Variants in SBF2 observed in about 807,000 individuals in gnomAD.
SBF2 encodes SET binding factor 2.
A neutral mutation model predicts 225.2 loss-of-function variants in SBF2; 112 were observed. The ratio of observed to expected loss-of-function variants is 0.50; its 90% CI spans 0.43 to 0.58. SBF2 has a LOEUF of 0.58. Ranked by LOEUF, SBF2 falls within the 20% of genes least tolerant of loss-of-function variation. The pLI, the probability that SBF2 is intolerant of heterozygous loss-of-function variation, is 0.00. For missense variants in SBF2, 1,996 were observed against 2,206.2 expected (o/e 0.90, Z 1.91); for synonymous variants, 763 against 773.3 (o/e 0.99, Z 0.22).
At chr11:10,114,759 A>G (rs1418633312) in intron 2 of SBF2, among the ~76,000 whole-genome samples, 2 of 152,194 alleles carry the variant, frequency 1.3e-5, no homozygotes, top group African/African-American at 2.4e-5. Flanking sequence ...ATTTCAAACA[A>G]ATTTGTTTCA....
rs185432781 is a variant in SBF2 at position 9,976,014 on chromosome 11, C to A, written c.1396-7469G>T. Reference sequence around the variant, plus strand: ...GGATTCTATTTGGTTCAATGCTGGGCAATGAAATATCCATAAGGCACAATT... The same window carrying A: ...GGATTCTATTTGGTTCAATGCTGGGAAATGAAATATCCATAAGGCACAATT... On this transcript the variant is annotated intron_variant, in intron 13 of 39. Transcript: ENST00000256190. Among the ~76,000 whole-genome samples, 540 of 150,800 alleles carry A rather than the reference C, an allele frequency of 3.6e-3. 4 individuals are homozygous for A. The highest frequency in any genetic ancestry group is 5.3e-3 in the South Asian group (25 of 4,756).
chr11:10,249,396 A>G (rs1960125992), intron 1 of SBF2, among the ~76,000 whole-genome samples: 1 of 152,126 alleles, frequency 6.6e-6, no homozygotes. Context: ...CTCGAACAAG[A>G]TTTTCATGTA....
upstream of SBF2, chr11:10,294,275 G>T (rs1017360783): frequency 5.2e-6 from 2 of 381,940 alleles, no homozygotes; most frequent in East Asian, 4.1e-5. Context: ...GCGCTGGCTC[G>T]GCTGCCCCAA....
At position 10,049,563 on chromosome 11, in the gene SBF2, C is replaced by T. The variant is rs116890009; in HGVS notation, c.142-6582G>A. Reference sequence around the variant, plus strand: ...CGGATGTTGCAGTGAGCAAAGATCGCGCTATTGCACTCCAGCCTGGGCAAC... The same window carrying T: ...CGGATGTTGCAGTGAGCAAAGATCGTGCTATTGCACTCCAGCCTGGGCAAC... On this transcript the variant is annotated intron_variant, in intron 2 of 39. Coordinates refer to ENST00000256190, the MANE Select transcript of SBF2 (RefSeq NM_030962.4). Among the ~76,000 whole-genome samples, 92 of 151,930 alleles carry T rather than the reference C, an allele frequency of 6.1e-4. 1 individual carries two copies. The East Asian group carries it at 0.013, about 21-fold the overall frequency.
intron 1 of SBF2, among the ~76,000 whole-genome samples, chr11:10,273,217 G>C (rs1962678271): frequency 6.6e-6 from 1 of 152,160 alleles, no homozygotes; most frequent in African/African-American, 2.4e-5. Context: ...AGAAAGAACA[G>C]ACCCATTGTA....
chr11:9,809,103 T>C, intron 30 of SBF2, 101 bp from the exon 31 acceptor site: 1 of 814,350 alleles, frequency 1.2e-6, no homozygotes, highest in African/African-American at 1.7e-5. Flanking sequence ...GACTTAGGGA[T>C]AAAGCGCTTG....
At chr11:9,832,652 G>T (rs1855472768) in intron 26 of SBF2, among the ~76,000 whole-genome samples, 2 of 152,052 alleles carry the variant, frequency 1.3e-5, no homozygotes, top group South Asian at 2.1e-4. Context: ...TGTTGTACAG[G>T]CTGGTTTCAA....
At chr11:10,216,534 T>G (rs748934134) in intron 1 of SBF2, among the ~76,000 whole-genome samples, 1 of 152,236 alleles carries the variant, frequency 6.6e-6, no homozygotes, top group South Asian at 2.1e-4. Context: ...TTAAGGAACG[T>G]AGAAGAATTA....
intron 1 of SBF2, among the ~76,000 whole-genome samples, chr11:10,234,795 A>G (rs1283261668): frequency 6.6e-6 from 1 of 152,250 alleles, no homozygotes; most frequent in African/African-American, 2.4e-5. Context: ...GCATGCATCC[A>G]AAACAGAAAG....
chr11:10,022,446 G>C (rs1325532585), intron 6 of SBF2, among the ~76,000 whole-genome samples: 2 of 151,850 alleles, frequency 1.3e-5, no homozygotes, highest in African/African-American at 4.8e-5. Flanking sequence ...AATTTTACAA[G>C]TTAAAAAAAT....
At chr11:10,038,971 TAAA>T (rs1471803571) in intron 3 of SBF2, among the ~76,000 whole-genome samples, 1 of 151,888 alleles carries the variant, frequency 6.6e-6, no homozygotes, top group African/African-American at 2.4e-5. Flanking sequence ...GCTGATTACT[TAAA>T]AAAATTTAGG....
rs1554897834 is a variant in SBF2 at position 9,781,583 on chromosome 11, G to A, written c.5375C>T (p.Ala1792Val). 1.2e-6 allele frequency: 2 copies of A among 1,614,232 alleles called. No individual in the cohort carries two copies. The highest frequency in any genetic ancestry group is 1.1e-5 in the South Asian group (1 of 91,084). ...AGCAGGGATGACCATTTCTACTTCAGCCAGATCAATGTGGCCTTTACAGCT... is the reference window on the plus strand; with the variant it reads ...AGCAGGGATGACCATTTCTACTTCAACCAGATCAATGTGGCCTTTACAGCT... The part of the protein sequence containing the change: ...DTSCKGHIDL[A>V]EVEMVIPAGP... The change falls in exon 39 of 40, where the codon GCT becomes GTT. Residue 1792 changes from alanine (A) to valine (V), a missense_variant. By Grantham distance (64) the Ala-to-Val change is moderately conservative. Transcript: ENST00000256190.
At chr11:9,782,258 T>C (rs1852062388) in intron 38 of SBF2, among the ~76,000 whole-genome samples, 1 of 150,820 alleles carries the variant, frequency 6.6e-6, no homozygotes, top group Admixed American at 6.6e-5. Flanking sequence ...TAATGTTTAG[T>C]AATATACAGA....
intron 38 of SBF2, among the ~76,000 whole-genome samples, chr11:9,782,874 GAAAAAAAAA>G (rs56057774): frequency 2.6e-5 from 3 of 114,816 alleles, no homozygotes; most frequent in Non-Finnish European, 5.4e-5. Flanking sequence ...TGTCTCAAAA[GAAAAAAAAA>G]AAAAAAGAAA....
In SBF2 at chr11:10,087,560, T is replaced by A. The variant is rs1246902705; in HGVS notation, c.142-44579A>T. ...CCCATATCTGGCTAAAACATTGTTT[T>A]TCTGTTATGGTAAATAATACTCATC... On this transcript the variant is annotated intron_variant, in intron 2 of 39. Transcript: ENST00000256190. Among the ~76,000 whole-genome samples the A allele has an allele frequency of 7.2e-5, 11 of 152,224 alleles. No individual in the cohort carries two copies. The East Asian group carries it at 2.1e-3, about 29-fold the overall frequency.
chr11:10,171,429 T>C (rs1172067609), intron 2 of SBF2, among the ~76,000 whole-genome samples: 1 of 152,222 alleles, frequency 6.6e-6, no homozygotes, highest in African/African-American at 2.4e-5. Flanking sequence ...GTTGATAAAA[T>C]GTATCACGTT....
chr11:9,785,329 C>T lies in SBF2; in HGVS notation c.5038-11G>A, dbSNP rs1289934740. ...CAGGTGTCTTTGGGACTGAAAAAGA[C>T]AGGACAGGAGCTAGGAAACCTTTAC... On this transcript the variant is annotated splice_polypyrimidine_tract_variant and intron_variant, in intron 36 of 39. Coordinates refer to ENST00000256190, the MANE Select transcript of SBF2 (RefSeq NM_030962.4). 1.2e-6 allele frequency: 2 copies of T among 1,612,304 alleles called. No individual in the cohort carries two copies. The highest frequency in any genetic ancestry group is 1.7e-4 in the Middle Eastern group (1 of 6,058).
chr11:10,028,346 T>C lies in SBF2; in HGVS notation c.619+106A>G, dbSNP rs933516547. On this transcript the variant is annotated intron_variant, in intron 6 of 39. Coordinates refer to ENST00000256190, the MANE Select transcript of SBF2 (RefSeq NM_030962.4). ...CTCCTATATATAAAATATTTAATGG[T>C]TTAAAAAACATTTTCTTGATTCATG... The C allele has an allele frequency of 3.3e-4, 256 of 775,974 alleles. 2 individuals carry two copies. Among genetic ancestry groups the C allele is most frequent in the South Asian group, 2.9e-3 (207 of 70,648 alleles). The allele number at this position is 775,974 out of a possible 1,614,324, so 48.1% of individuals were successfully genotyped here. A position where few individuals can be genotyped will look rare whatever the true frequency, so the allele number is the denominator to read the frequency against.
At chr11:9,937,154 C>A (rs764967745) in intron 16 of SBF2, among the ~76,000 whole-genome samples, 1 of 152,050 alleles carries the variant, frequency 6.6e-6, no homozygotes, top group African/African-American at 2.4e-5. Context: ...AGGACAAAAG[C>A]TTCCAGATTA....
Sources: gnomAD v4.1 joint callset for allele counts (sites outside exome capture counted in the v4.1 genomes callset) on GRCh38, gnomAD v4.1.1 for gene constraint, MANE v1.5 for transcripts, NCBI Gene and HGNC (gene_info 2026-07-23, HGNC 2026-07-21) for gene names.